Variants in CATSPERB observed in about 807,000 individuals in gnomAD.
CATSPERB encodes the protein cation channel sperm-associated auxiliary subunit beta.
A neutral mutation model predicts 128.3 loss-of-function variants in CATSPERB; 93 were observed. The observed-to-expected ratio is 0.72, with a 90% CI of 0.61 to 0.86. The LOEUF (loss-of-function observed/expected upper bound fraction) is 0.86. Ranked by LOEUF, CATSPERB falls within the 40% of genes least tolerant of loss-of-function variation. CATSPERB has a pLI of 0.00. For synonymous variants in CATSPERB, 381 were observed against 448.8 expected, an observed-to-expected ratio of 0.85 and a Z score of 1.91; for missense variants, 1,153 against 1,329.5, an observed-to-expected ratio of 0.87 and a Z score of 2.06.
At chr14:91,683,826 C>T in intron 11 of CATSPERB, 51 bp downstream of exon 11, 1 of 1,109,928 alleles carries the variant, frequency 9.0e-7, no homozygotes, top group Non-Finnish European at 1.3e-6. Context: ...CATTCAGTTA[C>T]ACATATATGT....
rs200488787 is a variant in CATSPERB at position 91,683,897 on chromosome 14, G to A, written c.911C>T (p.Ala304Val). 15 of 1,605,422 alleles carry A rather than the reference G, an allele frequency of 9.3e-6. No homozygotes were observed. The Admixed American group carries it at 1.0e-4, about 11-fold the overall frequency. ...TTTACCTTCAAAGTGCTCTCTGTTA[G>A]CAAAACATCTTTCATTATACCACAG... ...GKLWYNERCF[A>V]NREHFEVDYV... Residue 304 changes from alanine (A) to valine (V), a missense_variant, in exon 11 of 27, where the codon GCT (alanine) becomes GTT (valine). By Grantham distance (64) the Ala-to-Val change is moderately conservative (BLOSUM62 0). Coordinates refer to ENST00000256343, the MANE Select transcript of CATSPERB (RefSeq NM_024764.4).
At chr14:91,695,191 G>A (rs11160025) in intron 7 of CATSPERB, among the ~76,000 whole-genome samples, 46,245 of 149,558 alleles carry the variant, frequency 0.31, 7,365 homozygotes, top group South Asian at 0.49. Context: ...GTGCAGTGGC[G>A]CAATCTCCAC....
At chr14:91,608,551 T>C (rs567846199) in intron 21 of CATSPERB, 147 bp from the exon 22 acceptor site, 1 of 607,478 alleles carries the variant, frequency 1.6e-6, no homozygotes, top group East Asian at 3.0e-5. Context: ...CCAACTTTTC[T>C]ACCCCTCATT....
At chr14:91,705,404 C>T (rs1235134897) in intron 6 of CATSPERB, among the ~76,000 whole-genome samples, 1 of 152,118 alleles carries the variant, frequency 6.6e-6, no homozygotes, top group Non-Finnish European at 1.5e-5. Context: ...GGCCAAGAGA[C>T]TTAGAAGGAT....
chr14:91,725,297 T>G, intron 2 of CATSPERB, 129 bp from the exon 3 acceptor site: 1 of 442,958 alleles, frequency 2.3e-6, no homozygotes, highest in Non-Finnish European at 3.9e-6. Flanking sequence ...TAAATTCACT[T>G]TAGGTAAAAT....
intron 16 of CATSPERB, 59 bp downstream of exon 16, chr14:91,639,037 T>C: frequency 2.1e-6 from 3 of 1,408,210 alleles, no homozygotes; most frequent in Non-Finnish European, 3.0e-6. Context: ...ATTCTATGTA[T>C]TGAATGTGGC....
intron 26 of CATSPERB, 106 bp from the exon 27 acceptor site, chr14:91,581,213 A>C (rs1893202504): frequency 3.6e-6 from 3 of 839,008 alleles, no homozygotes; most frequent in Admixed American, 2.6e-5. Context: ...CGCTGCCCAG[A>C]GTTACAAAGA....
chr14:91,626,498 C>T (rs926142110), intron 17 of CATSPERB, among the ~76,000 whole-genome samples: 5 of 151,294 alleles, frequency 3.3e-5, no homozygotes, highest in African/African-American at 4.9e-5. Flanking sequence ...TTTGCCCTCA[C>T]GAATGGATGA....
intron 21 of CATSPERB, among the ~76,000 whole-genome samples, chr14:91,609,623 G>C (rs1893783842): frequency 6.6e-6 from 1 of 152,262 alleles, no homozygotes; most frequent in South Asian, 2.1e-4. Context: ...TAATGGATTT[G>C]TGTATAGTTT....
Position 91,605,045 on chromosome 14 carries a change from G to C in CATSPERB, c.2709+3249C>G. The stretch of plus-strand genomic sequence containing the variant: ...AGTTCTGGTCTTCTGTTTCTTGAAT[G>C]GGACCTTGTCTTCCTTTTTTCTGGC... On this transcript the variant is annotated intron_variant, in intron 22 of 26. Transcript: ENST00000256343. The C allele has an allele frequency of 2.5e-6, 3 of 1,192,200 alleles. No individual in the cohort carries two copies. The East Asian group carries it at 7.0e-5, about 28-fold the overall frequency. 73.9% of individuals were successfully genotyped at this position (1,192,200 alleles called of 1,614,324 possible). A position where few individuals can be genotyped will look rare whatever the true frequency, so the allele number is the denominator to read the frequency against.
intron 17 of CATSPERB, among the ~76,000 whole-genome samples, chr14:91,626,098 G>A (rs946238735): frequency 2.0e-5 from 3 of 152,052 alleles, no homozygotes; most frequent in Non-Finnish European, 4.4e-5. Context: ...GCACTCCAGC[G>A]TGGGTGACAG....
At chr14:91,629,668 A>C (rs1275248888) in intron 17 of CATSPERB, among the ~76,000 whole-genome samples, 1 of 152,124 alleles carries the variant, frequency 6.6e-6, no homozygotes, top group Non-Finnish European at 1.5e-5. Flanking sequence ...TTGCTGTAAA[A>C]CTGTAATTAA....
chr14:91,639,608 A>C (rs1894453349), intron 15 of CATSPERB, among the ~76,000 whole-genome samples: 2 of 152,210 alleles, frequency 1.3e-5, no homozygotes, highest in Non-Finnish European at 2.9e-5. Context: ...ATCCTTAGGA[A>C]GGCAAGGCGA....
chr14:91,638,610 T>C (rs12887815), intron 16 of CATSPERB, among the ~76,000 whole-genome samples: 44,066 of 151,962 alleles, frequency 0.29, 7,292 homozygotes, highest in East Asian at 0.48. Context: ...TTGGTAGAGA[T>C]GGGGTTTCAC....
chr14:91,636,093 T>A (rs1196267779), intron 17 of CATSPERB: 1 of 210,260 alleles, frequency 4.8e-6, no homozygotes, highest in African/African-American at 2.3e-5. Context: ...CCAGCTGCAG[T>A]GGCTCACACT....
intron 22 of CATSPERB, chr14:91,604,571 G>T (rs1392649394): frequency 3.1e-6 from 5 of 1,609,790 alleles, no homozygotes; most frequent in Non-Finnish European, 4.2e-6. Flanking sequence ...CTGCATGGAG[G>T]ACTGCAGAGA....
intron 2 of CATSPERB, among the ~76,000 whole-genome samples, chr14:91,727,834 C>A (rs1896143083): frequency 1.3e-5 from 2 of 152,210 alleles, no homozygotes; most frequent in African/African-American, 4.8e-5. Context: ...GAAATTCCCA[C>A]AATACCTTGT....
chr14:91,581,272 G>T (rs1566691166), intron 26 of CATSPERB, among the ~76,000 whole-genome samples, 165 bp from the exon 27 acceptor site: 1 of 152,214 alleles, frequency 6.6e-6, no homozygotes, highest in Non-Finnish European at 1.5e-5. Context: ...AGTTGAACAA[G>T]TAACAATTTG....
intron 2 of CATSPERB, among the ~76,000 whole-genome samples, chr14:91,727,338 G>T (rs1896133613): frequency 6.6e-6 from 1 of 152,094 alleles, no homozygotes; most frequent in African/African-American, 2.4e-5. Flanking sequence ...AAAAATCTTG[G>T]TTCTGGCCCA....
Sources: gnomAD v4.1 joint callset for allele counts (sites outside exome capture counted in the v4.1 genomes callset) on GRCh38, gnomAD v4.1.1 for gene constraint, MANE v1.5 for transcripts, NCBI Gene and HGNC (gene_info 2026-07-23, HGNC 2026-07-21) for gene names.